The following SEMA5A variants were observed in gnomAD, a reference collection of about 807,000 sequenced individuals.
SEMA5A encodes the protein semaphorin-5A.
SEMA5A carries 55 observed loss-of-function variants against 135.5 expected under a neutral mutation model. The observed-to-expected ratio is 0.41, with a 90% CI of 0.33 to 0.51. The LOEUF (loss-of-function observed/expected upper bound fraction) is 0.51, where lower values mean the gene tolerates loss of function less well. Ranked by LOEUF, SEMA5A falls within the 20% of genes least tolerant of loss-of-function variation. SEMA5A has a pLI of 0.37. For synonymous variants in SEMA5A, 580 were observed against 546.5 expected (o/e 1.06, Z -0.85); for missense variants, 1,290 against 1,419.9 (o/e 0.91, Z 1.47).
At chr5:9,375,483 G>A (rs1755327207) in intron 3 of SEMA5A, among the ~76,000 whole-genome samples, 1 of 151,670 alleles carries the variant, frequency 6.6e-6, no homozygotes, top group African/African-American at 2.4e-5. Flanking sequence ...AAGCTAGGAG[G>A]AAGCAGAGAT....
chr5:9,311,810 T>C (rs1029823075), intron 5 of SEMA5A, among the ~76,000 whole-genome samples: 1 of 151,998 alleles, frequency 6.6e-6, no homozygotes, highest in African/African-American at 2.4e-5. Flanking sequence ...TGGAGAGAAT[T>C]CTCTACCGAT....
intron 12 of SEMA5A, among the ~76,000 whole-genome samples, chr5:9,154,065 ATATATATATAT>A (rs1742800350): frequency 2.1e-5 from 1 of 47,000 alleles, no homozygotes; most frequent in African/African-American, 5.4e-5. Flanking sequence ...AAAAAAAAAT[ATATATATATAT>A]ATATATATAT....
chr5:9,249,734 AGATG>A (rs997338737), intron 5 of SEMA5A, among the ~76,000 whole-genome samples: 49 of 152,284 alleles, frequency 3.2e-4, no homozygotes, highest in African/African-American at 1.1e-3. Context: ...AGGGATCTGG[AGATG>A]GATGAAGGAA....
At chr5:9,094,199 A>T (rs1739196102) in intron 16 of SEMA5A, among the ~76,000 whole-genome samples, 1 of 152,330 alleles carries the variant, frequency 6.6e-6, no homozygotes, top group South Asian at 2.1e-4. Context: ...ACATGTTTTC[A>T]TTGACTAAAT....
intron 10 of SEMA5A, among the ~76,000 whole-genome samples, chr5:9,191,115 G>C (rs1184719975): frequency 1.3e-5 from 2 of 152,170 alleles, no homozygotes; most frequent in Non-Finnish European, 1.5e-5. Context: ...AAGAAGAACA[G>C]GAGATGAGGA....
chr5:9,134,160 C>T (rs1175959368), intron 13 of SEMA5A, among the ~76,000 whole-genome samples: 1 of 152,114 alleles, frequency 6.6e-6, no homozygotes, highest in Non-Finnish European at 1.5e-5. Flanking sequence ...AATGACCGGT[C>T]TAGGTATTTC....
intron 12 of SEMA5A, among the ~76,000 whole-genome samples, chr5:9,141,126 T>C (rs551541304): frequency 1.5e-4 from 23 of 152,314 alleles, no homozygotes; most frequent in Non-Finnish European, 3.1e-4. Flanking sequence ...TCATGCAAAA[T>C]ATTTTACACC....
intron 5 of SEMA5A, among the ~76,000 whole-genome samples, chr5:9,257,403 T>G (rs1298018485): frequency 6.6e-6 from 1 of 151,474 alleles, no homozygotes; most frequent in Non-Finnish European, 1.5e-5. Flanking sequence ...CTATTCTAAG[T>G]GGAAAAGTAA....
At chr5:9,396,447 T>C (rs1756404845) in intron 2 of SEMA5A, among the ~76,000 whole-genome samples, 1 of 152,110 alleles carries the variant, frequency 6.6e-6, no homozygotes, top group South Asian at 2.1e-4. Context: ...AGACTGGCCC[T>C]CCTAGGGCTA....
At chr5:9,255,038 G>C (rs995424391) in intron 5 of SEMA5A, among the ~76,000 whole-genome samples, 1 of 152,064 alleles carries the variant, frequency 6.6e-6, no homozygotes, top group African/African-American at 2.4e-5. Flanking sequence ...CTGGACAAAA[G>C]GTTATGAATC....
At chr5:9,520,349 TGGA>T (rs1312066099) in intron 1 of SEMA5A, among the ~76,000 whole-genome samples, 5 of 152,024 alleles carry the variant, frequency 3.3e-5, no homozygotes, top group Non-Finnish European at 7.4e-5. Flanking sequence ...TGGAGGATGA[TGGA>T]GAAGAGAACA....
At chr5:9,329,773 C>G (rs1753037234) in intron 4 of SEMA5A, among the ~76,000 whole-genome samples, 1 of 152,072 alleles carries the variant, frequency 6.6e-6, no homozygotes, top group South Asian at 2.1e-4. Flanking sequence ...CCTTGGTATC[C>G]CCAGAGCATT....
chr5:9,367,884 G>T (rs1311305567), intron 3 of SEMA5A, among the ~76,000 whole-genome samples: 2 of 152,152 alleles, frequency 1.3e-5, no homozygotes, highest in East Asian at 1.9e-4. Flanking sequence ...TGGGACATCT[G>T]CCCTGTCTCT....
chr5:9,263,703 T>G (rs1264955137), intron 5 of SEMA5A, among the ~76,000 whole-genome samples: 3 of 152,216 alleles, frequency 2.0e-5, no homozygotes, highest in Non-Finnish European at 2.9e-5. Flanking sequence ...TGTGATTAAA[T>G]GCCTATGATC....
intron 11 of SEMA5A, among the ~76,000 whole-genome samples, chr5:9,168,230 G>A (rs570429194): frequency 1.3e-5 from 2 of 152,292 alleles, no homozygotes; most frequent in African/African-American, 4.8e-5. Context: ...AGCCTGAGAT[G>A]GACCTTCCAG....
At chr5:9,341,462 G>A (rs765451682) in intron 3 of SEMA5A, among the ~76,000 whole-genome samples, 17 of 151,834 alleles carry the variant, frequency 1.1e-4, no homozygotes, top group East Asian at 1.9e-4. Flanking sequence ...GAGGAAGTTC[G>A]GGGAGAGTGA....
intron 16 of SEMA5A, among the ~76,000 whole-genome samples, chr5:9,077,029 T>C (rs898348476): frequency 1.3e-5 from 2 of 152,162 alleles, no homozygotes; most frequent in Non-Finnish European, 2.9e-5. Context: ...TATCATACAA[T>C]CACCTTCCAT....
intron 5 of SEMA5A, among the ~76,000 whole-genome samples, chr5:9,238,561 C>T (rs1036437876): frequency 3.9e-5 from 6 of 152,092 alleles, no homozygotes; most frequent in African/African-American, 1.2e-4. Flanking sequence ...TGTGCTTCCA[C>T]GTCTGATGCT....
intron 16 of SEMA5A, among the ~76,000 whole-genome samples, chr5:9,092,698 CTT>C (rs1180041220): frequency 6.6e-6 from 1 of 152,114 alleles, no homozygotes; most frequent in Non-Finnish European, 1.5e-5. Context: ...TGAAGAATCT[CTT>C]TGAATGAGAA....
Sources: gnomAD v4.1 joint callset for allele counts (sites outside exome capture counted in the v4.1 genomes callset) on GRCh38, gnomAD v4.1.1 for gene constraint, MANE v1.5 for transcripts, NCBI Gene and HGNC (gene_info 2026-07-23, HGNC 2026-07-21) for gene names.